LUZP2: variants seen among roughly 807,000 people sequenced by gnomAD.
LUZP2 encodes leucine zipper protein 2.
Under a neutral mutation model 51.6 loss-of-function variants are expected in LUZP2, and 52 were observed. The ratio of observed to expected loss-of-function variants is 1.01; its 90% CI spans 0.81 to 1.27. The LOEUF (loss-of-function observed/expected upper bound fraction) is 1.27. Ranked by LOEUF, LUZP2 falls within the 50% of genes most tolerant of loss-of-function variation. The pLI is 0.00. For synonymous variants in LUZP2, 154 were observed against 137.3 expected (o/e 1.12, Z -0.85); for missense variants, 436 against 395.4 (o/e 1.10, Z -0.87).
At chr11:24,875,529 T>C (rs935974044) in intron 5 of LUZP2, among the ~76,000 whole-genome samples, 49 of 144,660 alleles carry the variant, frequency 3.4e-4, no homozygotes, top group South Asian at 9.4e-4. Flanking sequence ...TGGTTCCAAG[T>C]CTTTGCTATT....
intron 5 of LUZP2, among the ~76,000 whole-genome samples, chr11:24,821,475 T>A (rs143523916): frequency 1.4e-3 from 215 of 152,228 alleles, no homozygotes; most frequent in African/African-American, 5.1e-3. Flanking sequence ...ACCGACTTCA[T>A]TGTAGTTTCA....
chr11:25,015,897 CT>C (rs553027081), intron 9 of LUZP2, among the ~76,000 whole-genome samples: 351 of 133,864 alleles, frequency 2.6e-3, no homozygotes, highest in Admixed American at 2.7e-3. Flanking sequence ...GTGTGAATTT[CT>C]TTTTTTTTTT....
At chr11:24,530,010 A>G (rs1850944552) in intron 1 of LUZP2, among the ~76,000 whole-genome samples, 1 of 150,906 alleles carries the variant, frequency 6.6e-6, no homozygotes, top group Non-Finnish European at 1.5e-5. Context: ...TTTAGGTTAG[A>G]CTTTAGTTAT....
At chr11:24,632,472 G>A (rs754355976) in intron 1 of LUZP2, among the ~76,000 whole-genome samples, 17 of 151,978 alleles carry the variant, frequency 1.1e-4, no homozygotes, top group Non-Finnish European at 1.5e-4. Context: ...TACAATCAGT[G>A]CACTGCAAGA....
intron 5 of LUZP2, chr11:24,785,771 A>C (rs1849229575): frequency 1.7e-6 from 1 of 605,560 alleles, no homozygotes; most frequent in East Asian, 1.4e-4. Context: ...TTAGAGACAG[A>C]AGAGATGTCA....
At chr11:24,692,556 T>C (rs1857108553) in intron 1 of LUZP2, among the ~76,000 whole-genome samples, 1 of 152,090 alleles carries the variant, frequency 6.6e-6, no homozygotes, top group Admixed American at 6.6e-5. Flanking sequence ...TTACACGTAG[T>C]ACCAAAAAAT....
intron 1 of LUZP2, among the ~76,000 whole-genome samples, chr11:24,604,014 A>G (rs2133872460): frequency 6.6e-6 from 1 of 151,988 alleles, no homozygotes; most frequent in East Asian, 1.9e-4. Flanking sequence ...AATTGTGGGC[A>G]TAAATTTAGA....
intron 1 of LUZP2, among the ~76,000 whole-genome samples, chr11:24,542,463 T>C (rs564252124): frequency 6.6e-6 from 1 of 152,084 alleles, no homozygotes; most frequent in African/African-American, 2.4e-5. Flanking sequence ...TTTTTTTATG[T>C]AACATATACT....
intron 1 of LUZP2, among the ~76,000 whole-genome samples, chr11:24,675,224 A>T (rs1856506305): frequency 6.6e-6 from 1 of 152,216 alleles, no homozygotes; most frequent in East Asian, 1.9e-4. Flanking sequence ...CATCTAGGGG[A>T]AAATTAGATC....
At chr11:24,843,284 A>G (rs1851092116) in intron 5 of LUZP2, among the ~76,000 whole-genome samples, 1 of 152,114 alleles carries the variant, frequency 6.6e-6, no homozygotes, top group Non-Finnish European at 1.5e-5. Context: ...TTTTAGACGT[A>G]TGTTTTACCA....
chr11:24,801,797 T>C (rs961239452), intron 5 of LUZP2, among the ~76,000 whole-genome samples: 1 of 150,982 alleles, frequency 6.6e-6, no homozygotes, highest in African/African-American at 2.4e-5. Context: ...AATGACAGCA[T>C]CCTAGATTTT....
intron 4 of LUZP2, among the ~76,000 whole-genome samples, chr11:24,758,732 T>C (rs1268110193): frequency 1.3e-5 from 2 of 152,086 alleles, no homozygotes; most frequent in Non-Finnish European, 2.9e-5. Context: ...ATCTTATGTA[T>C]TGTCCTTGAC....
intron 4 of LUZP2, among the ~76,000 whole-genome samples, chr11:24,759,076 A>T (rs952293503): frequency 6.6e-6 from 1 of 152,152 alleles, no homozygotes. Context: ...TGTGACCCTA[A>T]TGGAAAACCC....
intron 5 of LUZP2, among the ~76,000 whole-genome samples, chr11:24,820,900 T>C (rs1200038473): frequency 6.6e-6 from 1 of 152,114 alleles, no homozygotes; most frequent in Non-Finnish European, 1.5e-5. Flanking sequence ...TTTTTTGATG[T>C]TCAACAGTCA....
chr11:24,945,584 T>C (rs1008283720), intron 7 of LUZP2, among the ~76,000 whole-genome samples: 1 of 151,902 alleles, frequency 6.6e-6, no homozygotes, highest in Non-Finnish European at 1.5e-5. Context: ...CCAGTGTTTA[T>C]AGAAATAGTT....
At chr11:25,047,686 G>A (rs762100097) in intron 9 of LUZP2, among the ~76,000 whole-genome samples, 6 of 151,910 alleles carry the variant, frequency 3.9e-5, no homozygotes, top group Admixed American at 1.3e-4. Flanking sequence ...CCATATACCT[G>A]GTCATTTTAA....
intron 9 of LUZP2, among the ~76,000 whole-genome samples, chr11:25,024,251 C>T (rs1032044668): frequency 5.9e-5 from 9 of 152,052 alleles, no homozygotes; most frequent in African/African-American, 2.2e-4. Context: ...CAGGGATGCC[C>T]TCTCTCACCA....
At chr11:25,010,802 G>A (rs1023980661) in intron 9 of LUZP2, among the ~76,000 whole-genome samples, 8 of 151,854 alleles carry the variant, frequency 5.3e-5, no homozygotes, top group South Asian at 2.1e-4. Context: ...AGCCAAGATC[G>A]CACCATTGCA....
chr11:24,556,074 T>C (rs1590175894), intron 1 of LUZP2, among the ~76,000 whole-genome samples: 1 of 152,230 alleles, frequency 6.6e-6, no homozygotes, highest in Non-Finnish European at 1.5e-5. Context: ...TGTTTTTTAG[T>C]CTCTATATGA....
Sources: gnomAD v4.1 joint callset for allele counts (sites outside exome capture counted in the v4.1 genomes callset) on GRCh38, gnomAD v4.1.1 for gene constraint, MANE v1.5 for transcripts, NCBI Gene and HGNC (gene_info 2026-07-23, HGNC 2026-07-21) for gene names.